The following CSMD1 variants were observed in gnomAD, a reference collection of about 807,000 sequenced individuals.
CSMD1 encodes the protein CUB and sushi domain-containing protein 1.
In CSMD1, 213 loss-of-function variants were observed where a neutral mutation model predicts 417.5. The ratio of observed to expected loss-of-function variants is 0.51; its 90% CI spans 0.46 to 0.57. CSMD1 has a LOEUF of 0.57. Among genes scored for constraint, CSMD1 ranks in the 20% least tolerant of loss-of-function variants. The pLI, the probability that CSMD1 is intolerant of heterozygous loss-of-function variation, is 0.00. For synonymous variants in CSMD1, 2,862 were observed against 1,736.8 expected (o/e 1.65, Z -16.11); for missense variants, 6,923 against 4,529.7 (o/e 1.53, Z -15.17).
intron 51 of CSMD1, among the ~76,000 whole-genome samples, chr8:3,026,105 T>C (rs1463904840): frequency 1.3e-5 from 2 of 151,912 alleles, no homozygotes; most frequent in Non-Finnish European, 2.9e-5. Context: ...AATGAGATGA[T>C]TTGGATGGGA....
At chr8:4,639,129 ATCT>A (rs1264699430) in intron 1 of CSMD1, among the ~76,000 whole-genome samples, 1 of 151,894 alleles carries the variant, frequency 6.6e-6, no homozygotes, top group Admixed American at 6.6e-5. Flanking sequence ...GCTACTCCTG[ATCT>A]TCATCCACCT....
At chr8:4,260,678 A>T (rs1371614310) in intron 3 of CSMD1, among the ~76,000 whole-genome samples, 1 of 152,162 alleles carries the variant, frequency 6.6e-6, no homozygotes, top group East Asian at 1.9e-4. Context: ...TTTTTGCGAG[A>T]GGTTAATCCA....
At chr8:4,576,402 G>C (rs922238833) in intron 2 of CSMD1, among the ~76,000 whole-genome samples, 5 of 152,210 alleles carry the variant, frequency 3.3e-5, no homozygotes, top group Admixed American at 2.0e-4. Flanking sequence ...CCATTCCCCA[G>C]ACTAGATTAC....
intron 3 of CSMD1, among the ~76,000 whole-genome samples, chr8:4,068,588 T>C (rs991284006): frequency 6.6e-6 from 1 of 152,174 alleles, no homozygotes. Context: ...GAGGTGTTTG[T>C]AATGATTGCA....
intron 3 of CSMD1, among the ~76,000 whole-genome samples, chr8:4,130,234 T>C (rs1803015157): frequency 6.6e-6 from 1 of 152,132 alleles, no homozygotes; most frequent in Non-Finnish European, 1.5e-5. Flanking sequence ...GTCAGTCTAG[T>C]ATGTAAGTTT....
intron 1 of CSMD1, among the ~76,000 whole-genome samples, chr8:4,686,425 C>A (rs1165519713): frequency 6.6e-6 from 1 of 152,180 alleles, no homozygotes; most frequent in Admixed American, 6.5e-5. Context: ...TGCTCTTCTC[C>A]CCCGATGTAG....
At chr8:4,432,375 G>C (rs892791906) in intron 2 of CSMD1, among the ~76,000 whole-genome samples, 2 of 152,096 alleles carry the variant, frequency 1.3e-5, no homozygotes, top group South Asian at 4.1e-4. Flanking sequence ...TGAACTTAGT[G>C]ATTAACCTAC....
intron 25 of CSMD1, among the ~76,000 whole-genome samples, chr8:3,288,947 G>C (rs537860828): frequency 1.5e-4 from 22 of 146,816 alleles, no homozygotes; most frequent in Non-Finnish European, 2.8e-4. Context: ...TTTAACATTA[G>C]GTATATCTCC....
chr8:4,080,828 T>C (rs1165703301), intron 3 of CSMD1, among the ~76,000 whole-genome samples: 1 of 152,174 alleles, frequency 6.6e-6, no homozygotes, highest in Admixed American at 6.5e-5. Context: ...AAAAATTCAA[T>C]AAAGGTATTG....
At chr8:3,409,298 T>C (rs1812534068) in intron 13 of CSMD1, 125 bp downstream of exon 13, 2 of 790,140 alleles carry the variant, frequency 2.5e-6, no homozygotes, top group East Asian at 3.0e-5. Context: ...TTCCAGTAAA[T>C]GTGGCACCCC....
chr8:4,416,301 A>T (rs1195530009), intron 3 of CSMD1, among the ~76,000 whole-genome samples: 1 of 152,136 alleles, frequency 6.6e-6, no homozygotes, highest in Non-Finnish European at 1.5e-5. Flanking sequence ...ACTTCCGAAA[A>T]ACCTTGTTTT....
chr8:4,534,141 C>T (rs1243836721), intron 2 of CSMD1, among the ~76,000 whole-genome samples: 1 of 152,158 alleles, frequency 6.6e-6, no homozygotes, highest in African/African-American at 2.4e-5. Context: ...TTTGTCAGAA[C>T]TTTTGAGCTG....
At chr8:3,590,774 C>T (rs964248305) in intron 8 of CSMD1, among the ~76,000 whole-genome samples, 4 of 152,064 alleles carry the variant, frequency 2.6e-5, no homozygotes, top group Non-Finnish European at 5.9e-5. Context: ...GGAGACTCCA[C>T]GTGGGAATAA....
rs1258940121 is a variant in CSMD1 at position 4,873,794 on chromosome 8, A to T, written c.85+120538T>A. On this transcript the variant is annotated intron_variant, in intron 1 of 69. Coordinates refer to ENST00000635120, the MANE Select transcript of CSMD1 (RefSeq NM_033225.6). ...AAAGTAGCACTGTGTTTGAAGCTGGAATCAACATAAAGGCCATTTCTTATA... is the reference window on the plus strand; with the variant it reads ...AAAGTAGCACTGTGTTTGAAGCTGGTATCAACATAAAGGCCATTTCTTATA... Among the ~76,000 whole-genome samples the T allele has an allele frequency of 2.6e-5, 4 of 152,156 alleles. No individual in the cohort carries two copies. The East Asian group carries it at 5.8e-4, about 22-fold the overall frequency.
intron 3 of CSMD1, among the ~76,000 whole-genome samples, chr8:4,412,254 G>A (rs1466500370): frequency 6.6e-6 from 1 of 152,132 alleles, no homozygotes; most frequent in Non-Finnish European, 1.5e-5. Flanking sequence ...ACTAGATCAT[G>A]GTGGGGCAGA....
intron 7 of CSMD1, among the ~76,000 whole-genome samples, chr8:3,671,031 C>CATATGGGATATATATGT (rs74567969): frequency 0.015 from 1,297 of 86,654 alleles, 44 homozygotes; most frequent in African/African-American, 0.031. Context: ...GGGATATATG[C>CATATGGGATATATATGT]ATATGGGATA....
intron 8 of CSMD1, among the ~76,000 whole-genome samples, chr8:3,589,720 T>C (rs886849468): frequency 1.3e-5 from 2 of 152,200 alleles, no homozygotes; most frequent in Non-Finnish European, 2.9e-5. Context: ...GCATATTGTA[T>C]ACTTGAAAAT....
chr8:4,017,732 T>G (rs961840477), intron 4 of CSMD1, among the ~76,000 whole-genome samples: 2 of 152,174 alleles, frequency 1.3e-5, no homozygotes, highest in African/African-American at 4.8e-5. Context: ...CGGCATTGTG[T>G]GTGCATGGTA....
intron 1 of CSMD1, among the ~76,000 whole-genome samples, chr8:4,937,047 T>A (rs1050877796): frequency 1.3e-5 from 2 of 152,044 alleles, no homozygotes; most frequent in Non-Finnish European, 2.9e-5. Flanking sequence ...TCTGTCTGTA[T>A]GAACAATTAA....
Sources: allele counts gnomAD v4.1 joint callset (sites outside exome capture counted in the v4.1 genomes callset), GRCh38; gene constraint gnomAD v4.1.1; transcripts MANE v1.5; gene names NCBI Gene and HGNC (gene_info 2026-07-23, HGNC 2026-07-21).